The following SHISA9 variants were observed in gnomAD, a reference collection of about 807,000 sequenced individuals.
SHISA9 encodes shisa family member 9, also known as protein shisa-9.
In SHISA9, 13 loss-of-function variants were observed where a neutral mutation model predicts 38.0. That is an observed-to-expected ratio of 0.34 (90% CI 0.22 to 0.54). The LOEUF is 0.54. Among genes scored for constraint, SHISA9 ranks in the 20% least tolerant of loss-of-function variants. SHISA9 has a pLI of 0.91. For synonymous variants in SHISA9, 275 were observed against 242.0 expected (o/e 1.14, Z -1.27); for missense variants, 538 against 575.8 (o/e 0.93, Z 0.67).
chr16:13,240,274 CAG>C lies in SHISA9; in HGVS notation c.*4868_*4869del, dbSNP rs1454431195. ...CTGTGTTAATACTTGTCAACAACTG[CAG>C]AGTTTATGATACGAATAATTCTTCC... On this transcript the variant is annotated 3_prime_UTR_variant, in exon 5 of 5. Coordinates refer to ENST00000558583, the MANE Select transcript of SHISA9 (RefSeq NM_001145204.3). 5.3e-5 allele frequency: 8 copies of C among 152,162 alleles called. No homozygotes were observed. Among genetic ancestry groups the C allele is most frequent in the African/African-American group, 1.4e-4 (6 of 41,420 alleles). 9.4% of individuals were successfully genotyped at this position (152,162 alleles called of 1,614,324 possible). A position where few individuals can be genotyped will look rare whatever the true frequency, so the allele number is the denominator to read the frequency against.
At chr16:13,333,104 T>C in the SHISA9 span, among the ~76,000 whole-genome samples, 4 of 152,324 alleles carry the variant, frequency 2.6e-5, no homozygotes, top group South Asian at 8.3e-4. Context: ...GGAAAGGGAA[T>C]GGTTCTCTCC....
At chr16:13,049,895 C>A (rs1209088911) in intron 2 of SHISA9, among the ~76,000 whole-genome samples, 2 of 152,110 alleles carry the variant, frequency 1.3e-5, no homozygotes, top group African/African-American at 2.4e-5. Flanking sequence ...GAACCCCACT[C>A]CTGGTACTTT....
chr16:13,435,911 T>C, the SHISA9 span, among the ~76,000 whole-genome samples: 2 of 152,140 alleles, frequency 1.3e-5, no homozygotes, highest in South Asian at 2.1e-4. Context: ...GTGAGCTGTA[T>C]GGCTCTTCAC....
the SHISA9 span, among the ~76,000 whole-genome samples, chr16:13,485,204 C>G: frequency 6.6e-6 from 1 of 152,046 alleles, no homozygotes; most frequent in Non-Finnish European, 1.5e-5. Flanking sequence ...CCCGCACCCC[C>G]CGACAGGCCC....
At chr16:12,984,139 C>A (rs1246307224) in intron 2 of SHISA9, among the ~76,000 whole-genome samples, 3 of 152,266 alleles carry the variant, frequency 2.0e-5, no homozygotes, top group African/African-American at 7.2e-5. Context: ...GCCTTCCTAC[C>A]AATTTTCCCT....
chr16:13,229,323 G>T (rs1188660866), intron 4 of SHISA9, among the ~76,000 whole-genome samples: 1 of 152,200 alleles, frequency 6.6e-6, no homozygotes, highest in Non-Finnish European at 1.5e-5. Flanking sequence ...CATGATAAAT[G>T]CCACGGGAGG....
chr16:13,001,131 T>C (rs572427917), intron 2 of SHISA9, among the ~76,000 whole-genome samples: 1 of 152,366 alleles, frequency 6.6e-6, no homozygotes, highest in African/African-American at 2.4e-5. Context: ...TTTCACCATG[T>C]TGGCCAGGCT....
chr16:13,541,372 G>A, the SHISA9 span, among the ~76,000 whole-genome samples: 1 of 152,186 alleles, frequency 6.6e-6, no homozygotes, highest in Non-Finnish European at 1.5e-5. Context: ...AAAACTGTGT[G>A]AGAGCCAAGA....
chr16:13,243,279 C>G (rs1005645531), downstream of SHISA9, among the ~76,000 whole-genome samples: 2 of 151,640 alleles, frequency 1.3e-5, no homozygotes, highest in Non-Finnish European at 2.9e-5. Context: ...TTGCTAAGGT[C>G]GAGGACATGT....
intron 2 of SHISA9, among the ~76,000 whole-genome samples, chr16:13,121,342 A>T (rs547238677): frequency 5.0e-4 from 76 of 152,240 alleles, no homozygotes; most frequent in African/African-American, 1.7e-3. Flanking sequence ...TTTTAAAATT[A>T]GCCAGGTGTG....
the SHISA9 span, chr16:13,258,350 C>G: frequency 4.0e-4 from 61 of 151,882 alleles, no homozygotes; most frequent in African/African-American, 1.4e-3. Flanking sequence ...ATTACTCCAG[C>G]CAAAAAAATA....
At chr16:13,527,466 C>T in the SHISA9 span, among the ~76,000 whole-genome samples, 4 of 152,024 alleles carry the variant, frequency 2.6e-5, no homozygotes, top group Non-Finnish European at 4.4e-5. Flanking sequence ...AGAGAGAAAA[C>T]GAGAAAGAGA....
intron 2 of SHISA9, among the ~76,000 whole-genome samples, chr16:13,091,310 G>T (rs1422449800): frequency 6.6e-6 from 1 of 152,124 alleles, no homozygotes; most frequent in Non-Finnish European, 1.5e-5. Context: ...TATCTTTGTG[G>T]TGTTCTTTGT....
the SHISA9 span, among the ~76,000 whole-genome samples, chr16:13,408,891 G>C: frequency 3.3e-5 from 5 of 152,206 alleles, no homozygotes; most frequent in African/African-American, 9.7e-5. Flanking sequence ...GGGTAGAAGA[G>C]GGCCGTTTCC....
chr16:13,046,218 T>C (rs2141893738), intron 2 of SHISA9, among the ~76,000 whole-genome samples: 1 of 152,312 alleles, frequency 6.6e-6, no homozygotes, highest in South Asian at 2.1e-4. Flanking sequence ...TGTAGAATCA[T>C]AGTTGTATTT....
chr16:13,038,570 A>G (rs1266695708), intron 2 of SHISA9, among the ~76,000 whole-genome samples: 1 of 152,228 alleles, frequency 6.6e-6, no homozygotes, highest in Non-Finnish European at 1.5e-5. Context: ...GAACGCTTGC[A>G]TCCTTCTCTG....
At chr16:12,945,702 T>C (rs564414088) in intron 2 of SHISA9, among the ~76,000 whole-genome samples, 8 of 152,256 alleles carry the variant, frequency 5.3e-5, no homozygotes, top group South Asian at 4.1e-4. Context: ...TAATATCTTA[T>C]AGGGTTGTTT....
At chr16:13,465,744 T>A in the SHISA9 span, among the ~76,000 whole-genome samples, 8 of 152,156 alleles carry the variant, frequency 5.3e-5, no homozygotes, top group African/African-American at 1.9e-4. Context: ...TGGACCTGTC[T>A]CTCTCCCCCC....
the SHISA9 span, among the ~76,000 whole-genome samples, chr16:13,404,192 G>A: frequency 3.9e-5 from 6 of 152,250 alleles, no homozygotes; most frequent in Admixed American, 3.9e-4. Context: ...GACGTATCTA[G>A]GGTATCTGTA....
Sources: allele counts gnomAD v4.1 joint callset (sites outside exome capture counted in the v4.1 genomes callset), GRCh38; gene constraint gnomAD v4.1.1; transcripts MANE v1.5; gene names NCBI Gene and HGNC (gene_info 2026-07-23, HGNC 2026-07-21).